Variants in SPATA17 observed in about 807,000 individuals in gnomAD.
The protein encoded by SPATA17 is spermatogenesis associated 17, also known as spermatogenesis-associated protein 17.
Under a neutral mutation model 62.2 loss-of-function variants are expected in SPATA17, and 53 were observed. The observed-to-expected ratio is 0.85, with a 90% CI of 0.68 to 1.07. The LOEUF is 1.07. SPATA17 is among the 50% of genes least tolerant of loss of function. SPATA17 has a pLI of 0.00. For missense variants in SPATA17, 466 were observed against 425.5 expected (o/e 1.10, Z -0.84); for synonymous variants, 146 against 146.8 (o/e 0.99, Z 0.04).
At chr1:217,815,972 A>G (rs1465306345) in intron 9 of SPATA17, among the ~76,000 whole-genome samples, 1 of 152,130 alleles carries the variant, frequency 6.6e-6, no homozygotes, top group African/African-American at 2.4e-5. Flanking sequence ...TCCATTATGT[A>G]TTATCGAACT....
chr1:217,793,221 G>GTTTTTTTT (rs1161172000), intron 8 of SPATA17, among the ~76,000 whole-genome samples: 1 of 127,164 alleles, frequency 7.9e-6, no homozygotes, highest in Non-Finnish European at 1.6e-5. Context: ...AGTGGTTTTT[G>GTTTTTTTT]TTTTTTTTTT....
chr1:217,674,380 G>A (rs572447409), intron 4 of SPATA17, among the ~76,000 whole-genome samples: 3 of 152,230 alleles, frequency 2.0e-5, no homozygotes, highest in African/African-American at 7.2e-5. Flanking sequence ...GATTTTTCTT[G>A]GTCGTTTTGC....
At chr1:217,675,688 A>T (rs1197829517) in intron 4 of SPATA17, among the ~76,000 whole-genome samples, 1 of 152,198 alleles carries the variant, frequency 6.6e-6, no homozygotes, top group Non-Finnish European at 1.5e-5. Context: ...AGTATTTTAA[A>T]TATTTTAACT....
rs569959886 is a variant in SPATA17 at position 217,693,481 on chromosome 1, C to T, written c.395+10120C>T. 2.4e-4 allele frequency among the ~76,000 whole-genome samples: 34 copies of T among 140,712 alleles called. No homozygotes were observed. In the East Asian group the frequency reaches 7.2e-3, roughly 30 times the overall value. 92.3% of individuals were successfully genotyped at this position (140,712 alleles called of 152,430 possible). On this transcript the variant is annotated intron_variant, in intron 5 of 10. Coordinates refer to ENST00000366933, the MANE Select transcript of SPATA17 (RefSeq NM_138796.4). Reference sequence around the variant, plus strand: ...TGATTTTTTGAAGGGTTTTTTGTGTCTTTATTTCCTTCAGTTCTGCTCTGA... The same window carrying T: ...TGATTTTTTGAAGGGTTTTTTGTGTTTTTATTTCCTTCAGTTCTGCTCTGA...
chr1:217,721,938 G>A (rs1298043652), intron 5 of SPATA17, among the ~76,000 whole-genome samples: 1 of 152,146 alleles, frequency 6.6e-6, no homozygotes, highest in African/African-American at 2.4e-5. Flanking sequence ...GGAGTTGACA[G>A]GTCCAGGGCA....
chr1:217,656,065 G>A (rs1264244939), intron 3 of SPATA17, among the ~76,000 whole-genome samples: 1 of 151,864 alleles, frequency 6.6e-6, no homozygotes, highest in Non-Finnish European at 1.5e-5. Flanking sequence ...TGTATTTTTA[G>A]TAGAGATGGG....
At chr1:217,801,231 T>A (rs535677717) in intron 8 of SPATA17, among the ~76,000 whole-genome samples, 9 of 152,268 alleles carry the variant, frequency 5.9e-5, no homozygotes, top group Non-Finnish European at 1.2e-4. Flanking sequence ...TGATTACAGG[T>A]CTGGCTGGCT....
At chr1:217,859,416 T>C (rs1403462447) in intron 9 of SPATA17, among the ~76,000 whole-genome samples, 1 of 151,742 alleles carries the variant, frequency 6.6e-6, no homozygotes, top group African/African-American at 2.4e-5. Flanking sequence ...GCTACGTATA[T>C]ATATAAAGGA....
At chr1:217,785,105 G>C (rs1411870721) in intron 8 of SPATA17, 1 of 152,116 alleles carries the variant, frequency 6.6e-6, no homozygotes. Flanking sequence ...GTTTCTAGAA[G>C]CATTCCTCTG....
chr1:217,801,547 G>A (rs1284386278), intron 8 of SPATA17, among the ~76,000 whole-genome samples, 171 bp from the exon 9 acceptor site: 1 of 152,126 alleles, frequency 6.6e-6, no homozygotes, highest in East Asian at 1.9e-4. Context: ...AAGATTAATA[G>A]AAGTAATTAA....
intron 9 of SPATA17, among the ~76,000 whole-genome samples, chr1:217,830,571 T>A (rs904915912): frequency 7.9e-5 from 12 of 152,270 alleles, no homozygotes; most frequent in African/African-American, 2.6e-4. Context: ...CTGAGTATTT[T>A]CCAAATTCTG....
chr1:217,738,827 C>T (rs1046671102), intron 5 of SPATA17, among the ~76,000 whole-genome samples: 5 of 152,220 alleles, frequency 3.3e-5, no homozygotes, highest in African/African-American at 1.2e-4. Flanking sequence ...TGGCATGTGC[C>T]TATAATCCCA....
intron 8 of SPATA17, among the ~76,000 whole-genome samples, chr1:217,786,759 CTT>C (rs1558050791): frequency 1.6e-5 from 2 of 126,736 alleles, no homozygotes; most frequent in African/African-American, 7.2e-5. Flanking sequence ...CTTTCTTCTT[CTT>C]CTTCTTCTTC....
At chr1:217,738,344 A>G (rs35437623) in intron 5 of SPATA17, among the ~76,000 whole-genome samples, 69,694 of 152,014 alleles carry the variant, frequency 0.46, 17,486 homozygotes, top group Non-Finnish European at 0.58. Flanking sequence ...ACTCTCATCC[A>G]GAGAGAGAAA....
In SPATA17 at chr1:217,855,194, G is replaced by T. The variant is rs547597236; in HGVS notation, c.1006-7580G>T. ...GATACTGTCTCTGAACGTTTTTGCA[G>T]CATATTTTCCCACAGATTAACTACA... On this transcript the variant is annotated intron_variant, in intron 9 of 10. Transcript: ENST00000366933. Among the ~76,000 whole-genome samples the T allele has an allele frequency of 2.0e-5, 3 of 152,286 alleles. No individual in the cohort carries two copies. The East Asian group carries it at 5.8e-4, about 29-fold the overall frequency.
At chr1:217,728,522 AT>A (rs1314099282) in intron 5 of SPATA17, among the ~76,000 whole-genome samples, 2 of 152,070 alleles carry the variant, frequency 1.3e-5, no homozygotes, top group Non-Finnish European at 2.9e-5. Context: ...ATTAAGATTA[AT>A]TTTTTTATGT....
At chr1:217,746,195 T>G (rs1297477115) in intron 6 of SPATA17, among the ~76,000 whole-genome samples, 1 of 152,034 alleles carries the variant, frequency 6.6e-6, no homozygotes, top group Non-Finnish European at 1.5e-5. Flanking sequence ...TGTATCAATT[T>G]TAACGTTCAA....
At chr1:217,801,645 T>C (rs1261072715) in intron 8 of SPATA17, 73 bp from the exon 9 acceptor site, 2 of 1,323,176 alleles carry the variant, frequency 1.5e-6, no homozygotes, top group African/African-American at 1.5e-5. Context: ...ATAGTACTTC[T>C]ACAAAGCCTT....
chr1:217,717,178 C>T (rs928155340), intron 5 of SPATA17, among the ~76,000 whole-genome samples: 2 of 151,234 alleles, frequency 1.3e-5, no homozygotes, highest in Non-Finnish European at 2.9e-5. Flanking sequence ...AAACTAAAAA[C>T]TCACTTTCAT....
Sources: gnomAD v4.1 joint callset for allele counts (sites outside exome capture counted in the v4.1 genomes callset) on GRCh38, gnomAD v4.1.1 for gene constraint, MANE v1.5 for transcripts, NCBI Gene and HGNC (gene_info 2026-07-23, HGNC 2026-07-21) for gene names.